NAALADL2: variants seen among roughly 807,000 people sequenced by gnomAD.
NAALADL2 encodes N-acetylated alpha-linked acidic dipeptidase like 2, also known as inactive N-acetylated-alpha-linked acidic dipeptidase-like protein 2.
In NAALADL2, 76 loss-of-function variants were observed where a neutral mutation model predicts 87.2. That is an observed-to-expected ratio of 0.87 (90% CI 0.72 to 1.05). The LOEUF is 1.05. Ranked by LOEUF, NAALADL2 falls within the 50% of genes least tolerant of loss-of-function variation. The probability of loss-of-function intolerance (pLI) is 0.00; values close to 1 mark genes in which losing one functional copy is unlikely to be tolerated. For missense variants in NAALADL2, 1,089 were observed against 945.8 expected, an observed-to-expected ratio of 1.15 and a Z score of -1.99; for synonymous variants, 354 against 331.0, an observed-to-expected ratio of 1.07 and a Z score of -0.75.
intron 11 of NAALADL2, among the ~76,000 whole-genome samples, chr3:175,640,584 CATT>C (rs1288417849): frequency 2.0e-5 from 3 of 152,174 alleles, no homozygotes; most frequent in Non-Finnish European, 2.9e-5. Flanking sequence ...CAGGAAGCAT[CATT>C]ATTTTACTCC....
intron 1 of NAALADL2, among the ~76,000 whole-genome samples, chr3:174,877,646 A>C (rs192809430): frequency 6.6e-6 from 1 of 152,276 alleles, no homozygotes; most frequent in African/African-American, 2.4e-5. Flanking sequence ...TAAGAGTTAT[A>C]ACTGTTAAGT....
chr3:174,624,018 T>C (rs1721303118), intron 2 of NAALADL2, among the ~76,000 whole-genome samples: 1 of 152,204 alleles, frequency 6.6e-6, no homozygotes, highest in Non-Finnish European at 1.5e-5. Flanking sequence ...TACAATAATA[T>C]TTTTCTAAGC....
chr3:174,774,271 T>C (rs1261239221), intron 3 of NAALADL2, among the ~76,000 whole-genome samples: 1 of 152,182 alleles, frequency 6.6e-6, no homozygotes, highest in Non-Finnish European at 1.5e-5. Context: ...ATGGTGGAAA[T>C]GTGCCCTATC....
At chr3:175,485,107 C>T (rs1368168180) in intron 9 of NAALADL2, among the ~76,000 whole-genome samples, 2 of 152,120 alleles carry the variant, frequency 1.3e-5, no homozygotes, top group Non-Finnish European at 2.9e-5. Context: ...ATTGCTTAAC[C>T]TCTCTTAGCT....
intron 1 of NAALADL2, among the ~76,000 whole-genome samples, chr3:174,973,596 T>C (rs528074011): frequency 6.6e-6 from 1 of 152,306 alleles, no homozygotes; most frequent in Admixed American, 6.5e-5. Flanking sequence ...AACAGAGATA[T>C]TTTCCGAGAA....
chr3:174,718,229 C>T (rs1325251342), intron 2 of NAALADL2, among the ~76,000 whole-genome samples: 1 of 152,130 alleles, frequency 6.6e-6, no homozygotes, highest in Non-Finnish European at 1.5e-5. Flanking sequence ...GCTTATTTAT[C>T]TTTCCCATTT....
intron 1 of NAALADL2, among the ~76,000 whole-genome samples, chr3:175,011,978 A>G (rs970741529): frequency 6.6e-6 from 1 of 152,170 alleles, no homozygotes; most frequent in African/African-American, 2.4e-5. Context: ...TATCAGTTTC[A>G]TTGCAAAAAC....
chr3:175,071,556 A>G (rs1368174544), intron 1 of NAALADL2, among the ~76,000 whole-genome samples: 1 of 152,056 alleles, frequency 6.6e-6, no homozygotes, highest in Non-Finnish European at 1.5e-5. Context: ...TGTATAAAAT[A>G]TTATATTTAA....
intron 11 of NAALADL2, among the ~76,000 whole-genome samples, chr3:175,661,729 A>G (rs1205083029): frequency 1.3e-5 from 2 of 151,710 alleles, no homozygotes; most frequent in African/African-American, 4.8e-5. Flanking sequence ...AGTTTTCCCA[A>G]CACTACTTAT....
chr3:175,122,530 A>G (rs1580567463), intron 2 of NAALADL2, among the ~76,000 whole-genome samples: 2 of 151,884 alleles, frequency 1.3e-5, no homozygotes, highest in East Asian at 3.9e-4. Flanking sequence ...TTGGCATATC[A>G]TTAGGCAAGA....
chr3:174,718,332 TA>T (rs1190964145), intron 2 of NAALADL2, among the ~76,000 whole-genome samples: 7 of 152,170 alleles, frequency 4.6e-5, no homozygotes, highest in Non-Finnish European at 1.0e-4. Context: ...ATTCTGCAAG[TA>T]AAGTATTTGA....
chr3:174,601,935 C>T (rs1351258254), intron 2 of NAALADL2, among the ~76,000 whole-genome samples: 2 of 151,992 alleles, frequency 1.3e-5, no homozygotes, highest in African/African-American at 4.8e-5. Flanking sequence ...TCAGAAACTT[C>T]GTTGAAAATG....
chr3:175,780,674 T>C (rs1750928428), intron 13 of NAALADL2, among the ~76,000 whole-genome samples: 1 of 152,120 alleles, frequency 6.6e-6, no homozygotes, highest in African/African-American at 2.4e-5. Context: ...TCATCTCCAT[T>C]TGGAAAGTGA....
chr3:174,946,490 T>C (rs993898485), intron 1 of NAALADL2, among the ~76,000 whole-genome samples: 55 of 152,316 alleles, frequency 3.6e-4, no homozygotes, highest in African/African-American at 1.1e-3. Context: ...CTATCTCATA[T>C]AGGATTACTT....
In NAALADL2 at chr3:175,417,835, A is replaced by G. The variant is rs186653678; in HGVS notation, c.1091-29394A>G. ...CTATAAACACTGTGACGTGACAAAAATATTAAAAATACATTGAGTATTGAA... is the reference window on the plus strand; with the variant it reads ...CTATAAACACTGTGACGTGACAAAAGTATTAAAAATACATTGAGTATTGAA... On this transcript the variant is annotated intron_variant, in intron 5 of 13. Coordinates refer to ENST00000454872, the MANE Select transcript of NAALADL2 (RefSeq NM_207015.3). 2.3e-4 allele frequency among the ~76,000 whole-genome samples: 35 copies of G among 152,300 alleles called. 1 individual carries two copies. Among genetic ancestry groups the G allele is most frequent in the Non-Finnish European group, 3.7e-4 (25 of 68,016 alleles).
chr3:175,653,039 G>C (rs1730999775), intron 11 of NAALADL2, among the ~76,000 whole-genome samples: 1 of 151,984 alleles, frequency 6.6e-6, no homozygotes, highest in Non-Finnish European at 1.5e-5. Context: ...CTAGAGAAAA[G>C]AAAATGCTAT....
chr3:175,766,175 A>G (rs1748657604), intron 13 of NAALADL2, among the ~76,000 whole-genome samples: 1 of 152,136 alleles, frequency 6.6e-6, no homozygotes, highest in South Asian at 2.1e-4. Flanking sequence ...GATATGCCTT[A>G]TTGTCCTGAA....
At chr3:175,136,921 C>A (rs962105061) in intron 2 of NAALADL2, among the ~76,000 whole-genome samples, 11 of 152,198 alleles carry the variant, frequency 7.2e-5, no homozygotes, top group Admixed American at 5.2e-4. Context: ...AGCTAATATT[C>A]TTTTGGGAAA....
At chr3:175,706,916 G>C (rs919366751) in intron 11 of NAALADL2, among the ~76,000 whole-genome samples, 9 of 152,000 alleles carry the variant, frequency 5.9e-5, no homozygotes, top group Non-Finnish European at 8.8e-5. Flanking sequence ...CTCTATATTT[G>C]TATTCTAAGT....
Sources: allele counts gnomAD v4.1 joint callset (sites outside exome capture counted in the v4.1 genomes callset), GRCh38; gene constraint gnomAD v4.1.1; transcripts MANE v1.5; gene names NCBI Gene and HGNC (gene_info 2026-07-23, HGNC 2026-07-21).